Variants in CTNNBL1 observed in about 807,000 individuals in gnomAD.
The protein encoded by CTNNBL1 is beta-catenin-like protein 1.
Under a neutral mutation model 72.7 loss-of-function variants are expected in CTNNBL1, and 31 were observed. That is an observed-to-expected ratio of 0.43 (90% CI 0.32 to 0.58). The LOEUF (loss-of-function observed/expected upper bound fraction) is 0.58, where lower values mean the gene tolerates loss of function less well. CTNNBL1 is among the 20% of genes least tolerant of loss of function. The pLI is 0.08. For missense variants in CTNNBL1, 534 were observed against 725.1 expected (o/e 0.74, Z 3.03); for synonymous variants, 240 against 267.3 (o/e 0.90, Z 1.00).
chr20:37,788,783 C>A (rs1371249827), intron 10 of CTNNBL1, among the ~76,000 whole-genome samples: 1 of 152,238 alleles, frequency 6.6e-6, no homozygotes, highest in Non-Finnish European at 1.5e-5. Context: ...AGAAGTCCTT[C>A]ATGCAGATTT....
intron 5 of CTNNBL1, among the ~76,000 whole-genome samples, chr20:37,760,987 TA>T (rs199904274): frequency 0.012 from 1,674 of 138,490 alleles, 7 homozygotes; most frequent in African/African-American, 0.019. Context: ...AGCTTTAGTT[TA>T]AAAAAAAAAA....
At chr20:37,834,439 AG>A (rs1445641229) in intron 11 of CTNNBL1, among the ~76,000 whole-genome samples, 1 of 152,196 alleles carries the variant, frequency 6.6e-6, no homozygotes, top group Non-Finnish European at 1.5e-5. Flanking sequence ...ATAGAGAAAG[AG>A]GGTTGTTATT....
intron 13 of CTNNBL1, among the ~76,000 whole-genome samples, chr20:37,852,267 G>GT (rs2072403103): frequency 6.6e-6 from 1 of 152,228 alleles, no homozygotes; most frequent in Non-Finnish European, 1.5e-5. Context: ...ACTTAAGGAA[G>GT]TTACTGGATT....
intron 4 of CTNNBL1, among the ~76,000 whole-genome samples, chr20:37,747,378 CAAAAAAA>C (rs11476313): frequency 4.7e-5 from 2 of 42,928 alleles, no homozygotes; most frequent in East Asian, 1.2e-3. Context: ...GACTCCATCT[CAAAAAAA>C]AAAAAAAAAA....
intron 4 of CTNNBL1, among the ~76,000 whole-genome samples, chr20:37,749,558 G>A (rs1311684928): frequency 6.6e-6 from 1 of 150,718 alleles, no homozygotes; most frequent in Non-Finnish European, 1.5e-5. Context: ...TTTTCCTCTT[G>A]TATGCCAACC....
chr20:37,780,962 G>A (rs238303), intron 10 of CTNNBL1, among the ~76,000 whole-genome samples: 129,576 of 152,096 alleles, frequency 0.85, 55,654 homozygotes, highest in African/African-American at 0.96. Flanking sequence ...AGGCTTCTGG[G>A]GGGCTGGAGG....
intron 10 of CTNNBL1, among the ~76,000 whole-genome samples, chr20:37,799,303 G>A (rs1224027975): frequency 6.6e-6 from 1 of 152,134 alleles, no homozygotes; most frequent in Non-Finnish European, 1.5e-5. Flanking sequence ...ACAGGATGGA[G>A]CCTGGGTTCC....
chr20:37,713,964 G>C (rs577290992), intron 1 of CTNNBL1, among the ~76,000 whole-genome samples: 1 of 152,090 alleles, frequency 6.6e-6, no homozygotes, highest in South Asian at 2.1e-4. Flanking sequence ...CCATTTTGCA[G>C]ATGAGGAAAG....
At chr20:37,823,176 C>T (rs2072125324) in intron 11 of CTNNBL1, among the ~76,000 whole-genome samples, 1 of 152,202 alleles carries the variant, frequency 6.6e-6, no homozygotes, top group African/African-American at 2.4e-5. Flanking sequence ...GGTCCTGAAG[C>T]ATTTTCACTA....
At chr20:37,807,250 A>G (rs2071967968) in intron 11 of CTNNBL1, among the ~76,000 whole-genome samples, 1 of 152,212 alleles carries the variant, frequency 6.6e-6, no homozygotes, top group Admixed American at 6.5e-5. Flanking sequence ...GAGTCAGATG[A>G]GATGACATGT....
intron 7 of CTNNBL1, 114 bp downstream of exon 7, chr20:37,768,158 C>T (rs1236730117): frequency 1.3e-6 from 1 of 764,118 alleles, no homozygotes; most frequent in Non-Finnish European, 2.1e-6. Context: ...GTTTGGGAAG[C>T]TTCTGGTACC....
intron 7 of CTNNBL1, among the ~76,000 whole-genome samples, chr20:37,776,918 G>A (rs762131734): frequency 1.3e-5 from 2 of 152,022 alleles, no homozygotes; most frequent in Non-Finnish European, 2.9e-5. Context: ...ATCAAGAATT[G>A]CTTTCTTCTC....
intron 1 of CTNNBL1, among the ~76,000 whole-genome samples, chr20:37,702,620 T>C (rs1208989708): frequency 6.6e-6 from 1 of 152,252 alleles, no homozygotes; most frequent in Non-Finnish European, 1.5e-5. Context: ...GCTATTCTCA[T>C]TGATAACATT....
rs558013735 is a variant in CTNNBL1 at position 37,730,990 on chromosome 20, A to G, written c.31-1889A>G. ...ATTATTATTATATTTGATTTAAAAA[A>G]CTTTTATTTTTAATTAGCAAATAAT... On this transcript the variant is annotated intron_variant, in intron 1 of 15. Transcript: ENST00000361383. Among the ~76,000 whole-genome samples the G allele has an allele frequency of 4.6e-5, 7 of 152,144 alleles. No homozygotes were observed. The East Asian group carries it at 1.3e-3, about 29-fold the overall frequency.
At chr20:37,749,567 C>T (rs1006633058) in intron 4 of CTNNBL1, among the ~76,000 whole-genome samples, 2 of 151,970 alleles carry the variant, frequency 1.3e-5, no homozygotes, top group African/African-American at 2.4e-5. Flanking sequence ...TGTATGCCAA[C>T]CTGCACCCAA....
At chr20:37,784,815 T>G (rs2073657906) in intron 10 of CTNNBL1, among the ~76,000 whole-genome samples, 1 of 152,220 alleles carries the variant, frequency 6.6e-6, no homozygotes, top group Non-Finnish European at 1.5e-5. Flanking sequence ...TTCTGTGTAC[T>G]TATGGTTACC....
chr20:37,828,925 G>A (rs1215165399), intron 11 of CTNNBL1, among the ~76,000 whole-genome samples: 1 of 152,202 alleles, frequency 6.6e-6, no homozygotes, highest in Non-Finnish European at 1.5e-5. Context: ...AGGCAGAGGA[G>A]TGTAATGTTA....
intron 10 of CTNNBL1, among the ~76,000 whole-genome samples, chr20:37,797,200 C>G (rs1183461793): frequency 1.3e-5 from 2 of 152,152 alleles, no homozygotes; most frequent in Non-Finnish European, 2.9e-5. Flanking sequence ...AATCCTGAAT[C>G]CTGTAAAGTG....
At chr20:37,756,616 T>G (rs1268951911) in intron 4 of CTNNBL1, among the ~76,000 whole-genome samples, 2 of 151,044 alleles carry the variant, frequency 1.3e-5, no homozygotes, top group Non-Finnish European at 3.0e-5. Context: ...TCTTTTCTTT[T>G]CTCTCTCTCT....
Sources: gnomAD v4.1 joint callset for allele counts (sites outside exome capture counted in the v4.1 genomes callset) on GRCh38, gnomAD v4.1.1 for gene constraint, MANE v1.5 for transcripts, NCBI Gene and HGNC (gene_info 2026-07-23, HGNC 2026-07-21) for gene names.